Variants in SH3PXD2A observed in about 807,000 individuals in gnomAD.
SH3PXD2A encodes the protein SH3 and PX domain-containing protein 2A.
SH3PXD2A carries 32 observed loss-of-function variants against 115.2 expected under a neutral mutation model. The ratio of observed to expected loss-of-function variants is 0.28; its 90% CI spans 0.21 to 0.37. The LOEUF is 0.37. Ranked by LOEUF, SH3PXD2A falls within the 10% of genes least tolerant of loss-of-function variation. The probability of loss-of-function intolerance (pLI) is 1.00; values close to 1 mark genes in which losing one functional copy is unlikely to be tolerated. For synonymous variants in SH3PXD2A, 610 were observed against 629.1 expected, an observed-to-expected ratio of 0.97 and a Z score of 0.45; for missense variants, 1,328 against 1,498.7, an observed-to-expected ratio of 0.89 and a Z score of 1.88.
chr10:103,687,870 C>T (rs1317749637), intron 6 of SH3PXD2A, among the ~76,000 whole-genome samples: 1 of 152,202 alleles, frequency 6.6e-6, no homozygotes, highest in Non-Finnish European at 1.5e-5. Flanking sequence ...CACAGGCCTC[C>T]CTACTGCATC....
Position 103,661,077 on chromosome 10 carries a change from C to T in SH3PXD2A, c.510G>A (p.Gln170=). The change falls in exon 8 of 15, where the codon CAG becomes CAA. Residue 170 remains glutamine, a synonymous_variant. Coordinates refer to ENST00000369774, the MANE Select transcript of SH3PXD2A (RefSeq NM_001394015.1). ...DATAEPMILE[Q]YVVVSNYKKQ... is the part of the protein sequence containing the mutation. ...TCTTATAGTTGGACACCACCACGTACTGTTCCAGGATCATGGGCTCGGCGG... is the reference window on the plus strand; with the variant it reads ...TCTTATAGTTGGACACCACCACGTATTGTTCCAGGATCATGGGCTCGGCGG... 6.2e-7 allele frequency: 1 copy of T among 1,614,078 alleles called. No homozygotes were observed. The highest frequency in any genetic ancestry group is 8.5e-7 in the Non-Finnish European group (1 of 1,179,944).
intron 13 of SH3PXD2A, among the ~76,000 whole-genome samples, chr10:103,606,777 G>A (rs1425506479): frequency 1.3e-5 from 2 of 152,318 alleles, no homozygotes; most frequent in African/African-American, 2.4e-5. Flanking sequence ...GATTGCAGAC[G>A]GAGTCTCGTT....
intron 7 of SH3PXD2A, 110 bp downstream of exon 7, chr10:103,668,498 A>G: frequency 1.0e-6 from 1 of 954,750 alleles, no homozygotes; most frequent in Non-Finnish European, 1.6e-6. Flanking sequence ...GCTGGCAAAC[A>G]GCTGCTGCAC....
intron 5 of SH3PXD2A, among the ~76,000 whole-genome samples, chr10:103,713,089 G>A (rs1589425048): frequency 6.6e-6 from 1 of 152,160 alleles, no homozygotes; most frequent in African/African-American, 2.4e-5. Flanking sequence ...ATATGGCCAT[G>A]GGGTGGAGCC....
chr10:103,795,969 A>G (rs1036871328), intron 2 of SH3PXD2A, among the ~76,000 whole-genome samples: 2 of 151,782 alleles, frequency 1.3e-5, no homozygotes, highest in African/African-American at 2.4e-5. Context: ...CCAGAGACAT[A>G]TTTTACCCTG....
At chr10:103,650,949 G>A (rs1241661113) in intron 8 of SH3PXD2A, among the ~76,000 whole-genome samples, 2 of 152,224 alleles carry the variant, frequency 1.3e-5, no homozygotes, top group East Asian at 1.9e-4. Flanking sequence ...ATGCCACAGG[G>A]CACACAGTAG....
chr10:103,622,016 C>A (rs956651266), intron 10 of SH3PXD2A, among the ~76,000 whole-genome samples: 3 of 152,172 alleles, frequency 2.0e-5, no homozygotes, highest in African/African-American at 7.2e-5. Context: ...CTGCTTTGTT[C>A]CCAAGAAACT....
chr10:103,801,689 T>C (rs1310143778), intron 1 of SH3PXD2A, among the ~76,000 whole-genome samples: 2 of 152,196 alleles, frequency 1.3e-5, no homozygotes, highest in African/African-American at 4.8e-5. Context: ...AAACATAAAA[T>C]TGAGGTCACT....
At chr10:103,644,818 A>G (rs1041372539) in intron 8 of SH3PXD2A, among the ~76,000 whole-genome samples, 4 of 152,174 alleles carry the variant, frequency 2.6e-5, no homozygotes, top group African/African-American at 7.2e-5. Flanking sequence ...TGGGTTTCCA[A>G]TATTATCCTC....
intron 5 of SH3PXD2A, among the ~76,000 whole-genome samples, chr10:103,714,614 C>T (rs962160653): frequency 2.0e-5 from 3 of 152,236 alleles, no homozygotes; most frequent in Admixed American, 6.5e-5. Flanking sequence ...TTCCTGCCAC[C>T]TGCCCACCCA....
chr10:103,837,973 AGT>A (rs1244481274), intron 1 of SH3PXD2A, among the ~76,000 whole-genome samples: 1 of 152,142 alleles, frequency 6.6e-6, no homozygotes, highest in Non-Finnish European at 1.5e-5. Context: ...CGTGAAGGAA[AGT>A]GACTACCGGA....
Position 103,668,591 on chromosome 10 carries a change from T to A in SH3PXD2A, c.472+17A>T, listed in dbSNP as rs768606923. ...GAACACACATGCTCACACACATGCA[T>A]GCACGCTGGGCAGTACCTGTCACGT... On this transcript the variant is annotated intron_variant, in intron 7 of 14. Coordinates refer to ENST00000369774, the MANE Select transcript of SH3PXD2A (RefSeq NM_001394015.1). The A allele has an allele frequency of 7.1e-6, 11 of 1,551,304 alleles. No individual in the cohort carries two copies. The highest frequency in any genetic ancestry group is 9.6e-6 in the Non-Finnish European group (11 of 1,146,402).
intron 1 of SH3PXD2A, among the ~76,000 whole-genome samples, chr10:103,808,657 G>A (rs2039232883): frequency 6.6e-6 from 1 of 152,158 alleles, no homozygotes; most frequent in Non-Finnish European, 1.5e-5. Flanking sequence ...ATCCCTTGTG[G>A]TGCTCATAGT....
intron 1 of SH3PXD2A, among the ~76,000 whole-genome samples, chr10:103,851,920 T>C (rs7098074): frequency 0.87 from 132,553 of 152,294 alleles, 58,855 homozygotes; most frequent in East Asian, 0.99. Flanking sequence ...AGCTTTTCTC[T>C]ACCACATGAA....
chr10:103,773,435 C>A (rs905758623), intron 2 of SH3PXD2A, among the ~76,000 whole-genome samples: 3 of 119,362 alleles, frequency 2.5e-5, no homozygotes, highest in Non-Finnish European at 5.7e-5. Context: ...CTTCTCTTTT[C>A]TTTCTTTCTT....
In SH3PXD2A at chr10:103,814,498, C is replaced by A. The variant is rs978454776; in HGVS notation, c.73-13136G>T. ...GATGGGGAAGCAGGTCTCTGTCCAACATCAGGAAGAATTTTCTAATCATCA... is the reference window on the plus strand; with the variant it reads ...GATGGGGAAGCAGGTCTCTGTCCAAAATCAGGAAGAATTTTCTAATCATCA... On this transcript the variant is annotated intron_variant, in intron 1 of 14. Coordinates refer to ENST00000369774, the MANE Select transcript of SH3PXD2A (RefSeq NM_001394015.1). 2.5e-4 allele frequency among the ~76,000 whole-genome samples: 38 copies of A among 152,326 alleles called. 1 individual carries two copies. Among genetic ancestry groups the A allele is most frequent in the East Asian group, 1.5e-3 (8 of 5,182 alleles).
intron 5 of SH3PXD2A, among the ~76,000 whole-genome samples, chr10:103,704,521 G>A (rs996969913): frequency 3.9e-5 from 6 of 152,242 alleles, no homozygotes; most frequent in African/African-American, 1.4e-4. Flanking sequence ...GCTGCTGCCA[G>A]GCTGACGGGT....
chr10:103,704,047 C>T (rs1474893807), intron 5 of SH3PXD2A, among the ~76,000 whole-genome samples: 2 of 152,210 alleles, frequency 1.3e-5, no homozygotes, highest in Non-Finnish European at 2.9e-5. Flanking sequence ...CACAGTCAGG[C>T]TCAGTAACAG....
chr10:103,790,427 T>A (rs999159284), intron 2 of SH3PXD2A, among the ~76,000 whole-genome samples: 1 of 152,134 alleles, frequency 6.6e-6, no homozygotes, highest in African/African-American at 2.4e-5. Flanking sequence ...ATGCTGGGAT[T>A]ACAGGTGTGA....
Sources: gnomAD v4.1 joint callset for allele counts (sites outside exome capture counted in the v4.1 genomes callset) on GRCh38, gnomAD v4.1.1 for gene constraint, MANE v1.5 for transcripts, NCBI Gene and HGNC (gene_info 2026-07-23, HGNC 2026-07-21) for gene names.